The following DGKH variants were observed in gnomAD, a reference collection of about 807,000 sequenced individuals.
DGKH encodes the protein diacylglycerol kinase eta, also known as DAG kinase eta.
Under a neutral mutation model 159.3 loss-of-function variants are expected in DGKH, and 90 were observed. The observed-to-expected ratio is 0.57, with a 90% CI of 0.48 to 0.67. DGKH has a LOEUF of 0.67. Ranked by LOEUF, DGKH falls within the 30% of genes least tolerant of loss-of-function variation. The pLI, the probability that DGKH is intolerant of heterozygous loss-of-function variation, is 0.00. For missense variants in DGKH, 1,181 were observed against 1,506.1 expected (o/e 0.78, Z 3.57); for synonymous variants, 536 against 553.8 (o/e 0.97, Z 0.45).
At chr13:42,255,005 T>C (rs574152519) in intron 30 of DGKH, among the ~76,000 whole-genome samples, 105 of 152,246 alleles carry the variant, frequency 6.9e-4, no homozygotes, top group African/African-American at 2.5e-3. Flanking sequence ...ATTGACTAAT[T>C]GTTGAAAATA....
intron 2 of DGKH, among the ~76,000 whole-genome samples, chr13:42,128,937 G>A (rs1054460862): frequency 1.3e-5 from 2 of 152,166 alleles, no homozygotes; most frequent in African/African-American, 4.8e-5. Flanking sequence ...CTGGAACAAC[G>A]CTGAATGAGT....
At chr13:42,078,283 A>G (rs369106274) in intron 1 of DGKH, among the ~76,000 whole-genome samples, 13 of 152,228 alleles carry the variant, frequency 8.5e-5, no homozygotes, top group African/African-American at 3.1e-4. Flanking sequence ...AGAGGCTGCC[A>G]CTGGACTGTA....
chr13:42,153,538 A>T (rs1955969864), intron 3 of DGKH, among the ~76,000 whole-genome samples: 1 of 152,242 alleles, frequency 6.6e-6, no homozygotes, highest in Non-Finnish European at 1.5e-5. Context: ...GCTAGAGACA[A>T]TATTTATTCA....
At chr13:42,106,886 CA>C (rs11284234) in intron 1 of DGKH, among the ~76,000 whole-genome samples, 122,690 of 151,928 alleles carry the variant, frequency 0.81, 50,063 homozygotes, top group African/African-American at 0.89. Flanking sequence ...ACTAAAAATA[CA>C]AAAAAAAGTA....
chr13:42,226,577 C>T (rs188648991), intron 29 of DGKH, among the ~76,000 whole-genome samples: 6 of 151,980 alleles, frequency 3.9e-5, no homozygotes, highest in South Asian at 2.1e-4. Context: ...CTGGATAGGC[C>T]GGGTGTGGTG....
chr13:42,055,025 A>G (rs975705396), intron 1 of DGKH, among the ~76,000 whole-genome samples: 5 of 152,216 alleles, frequency 3.3e-5, no homozygotes, highest in African/African-American at 1.2e-4. Flanking sequence ...TCATGTGCTA[A>G]GAAATATTAT....
chr13:42,207,847 G>GA (rs1012791136), intron 21 of DGKH, among the ~76,000 whole-genome samples: 2 of 151,812 alleles, frequency 1.3e-5, no homozygotes, highest in Non-Finnish European at 2.9e-5. Flanking sequence ...GACAGATAGG[G>GA]ATACAGTATA....
intron 16 of DGKH, among the ~76,000 whole-genome samples, chr13:42,192,975 A>G (rs1299637989): frequency 6.6e-6 from 1 of 152,194 alleles, no homozygotes; most frequent in Non-Finnish European, 1.5e-5. Flanking sequence ...TTCTCTTTTA[A>G]AAACCTAATT....
chr13:42,251,353 G>C (rs1224973795), intron 29 of DGKH, among the ~76,000 whole-genome samples: 1 of 152,138 alleles, frequency 6.6e-6, no homozygotes, highest in Non-Finnish European at 1.5e-5. Context: ...ACATGTGCCT[G>C]TAGTCCCAGC....
intron 1 of DGKH, chr13:42,068,946 C>G: frequency 2.1e-6 from 3 of 1,429,762 alleles, no homozygotes; most frequent in Non-Finnish European, 2.9e-6. Context: ...TTCAGATGTT[C>G]AGAATGCCGC....
chr13:42,226,697 T>C (rs1406918015), intron 29 of DGKH, among the ~76,000 whole-genome samples: 1 of 151,184 alleles, frequency 6.6e-6, no homozygotes, highest in Non-Finnish European at 1.5e-5. Context: ...CTACTAAAAA[T>C]AGAAAAAAAA....
rs753953792 is a variant in DGKH at position 42,166,537 on chromosome 13, G to A, written c.981G>A (p.Ser327=). ...CAGGTTTCTGTAGAGCAACATTTTCGTTCTGTGTTAGTCCTCTATTGGTTT... is the reference window on the plus strand; with the variant it reads ...CAGGTTTCTGTAGAGCAACATTTTCATTCTGTGTTAGTCCTCTATTGGTTT... ...DSDGFCRATF[S]FCVSPLLVFV... is the part of the protein sequence containing the mutation. Residue 327 remains serine (S), a synonymous_variant, in exon 9 of 30, where the codon TCG becomes TCA. Transcript: ENST00000337343. 31 of 1,554,916 alleles carry A rather than the reference G, an allele frequency of 2.0e-5. No individual in the cohort carries two copies. Among genetic ancestry groups the A allele is most frequent in the Middle Eastern group, 1.7e-4 (1 of 5,922 alleles).
chr13:42,148,852 C>T (rs959169303), intron 3 of DGKH, among the ~76,000 whole-genome samples: 3 of 152,008 alleles, frequency 2.0e-5, no homozygotes, highest in African/African-American at 4.8e-5. Flanking sequence ...AGTATCCATG[C>T]CTTCTCCTTC....
chr13:42,108,505 C>T (rs1954803580), intron 1 of DGKH, among the ~76,000 whole-genome samples: 1 of 152,112 alleles, frequency 6.6e-6, no homozygotes, highest in Admixed American at 6.6e-5. Flanking sequence ...TAGTTAGCTG[C>T]TGGCAATTTT....
intron 1 of DGKH, among the ~76,000 whole-genome samples, chr13:42,056,431 G>T (rs982782056): frequency 1.3e-5 from 2 of 152,062 alleles, no homozygotes; most frequent in African/African-American, 4.8e-5. Context: ...TAGCATAATA[G>T]ATCTTTTTAA....
In DGKH at chr13:42,229,178, C is replaced by T. The variant is rs552720125; in HGVS notation, c.3653C>T (p.Ser1218Leu). 32 of 1,609,106 alleles carry T rather than the reference C, an allele frequency of 2.0e-5. No individual in the cohort carries two copies. In the South Asian group the frequency reaches 2.5e-4, roughly 12 times the overall value. Residue 1218 changes from serine to leucine, a missense_variant, in exon 30 of 30, where the codon TCG becomes TTG. Physicochemically the swap from Ser to Leu is moderately radical, Grantham distance 145. Around this residue, in one of 5 missense-constraint regions of DGKH, gnomAD observed 84 missense variants for 77.9 expected, o/e 1.08. Transcript: ENST00000337343. Reference sequence around the variant, plus strand: ...GAGCTTGGAAGGAGCACTCCACAGTCGGAGGTGTAATCATATTGGTGCTAT... The same window carrying T: ...GAGCTTGGAAGGAGCACTCCACAGTTGGAGGTGTAATCATATTGGTGCTAT... ...IKELGRSTPQSEV is the reference protein window; with the variant it reads ...IKELGRSTPQLEV
chr13:42,133,029 G>A (rs1955321955), intron 3 of DGKH, among the ~76,000 whole-genome samples: 1 of 152,016 alleles, frequency 6.6e-6, no homozygotes, highest in African/African-American at 2.4e-5. Context: ...AAATTAGTCA[G>A]GCATGGTGCC....
intron 1 of DGKH, among the ~76,000 whole-genome samples, chr13:42,084,922 TAA>T (rs5803111): frequency 6.8e-6 from 1 of 146,320 alleles, no homozygotes. Flanking sequence ...TTGTTCTTAG[TAA>T]AAAAAAAAAA....
Position 42,221,310 on chromosome 13 carries a change from C to T in DGKH, c.3489C>T (p.Leu1163=). Residue 1163 remains leucine, a synonymous_variant, in exon 29 of 30, where the codon CTC becomes CTT. Coordinates refer to ENST00000337343, the MANE Select transcript of DGKH (RefSeq NM_178009.5). ...TEEVAAWLDL[L]NLGEYKDIFI... is the part of the protein sequence containing the mutation. ...AAGTTGCTGCTTGGCTGGATCTGCT[C>T]AATTTGGGAGAGTACAAAGATATCT... The T allele has an allele frequency of 6.2e-7, 1 of 1,613,674 alleles. No homozygotes were observed. The highest frequency in any genetic ancestry group is 8.5e-7 in the Non-Finnish European group (1 of 1,179,698).
Sources: gnomAD v4.1 joint callset for allele counts (sites outside exome capture counted in the v4.1 genomes callset) on GRCh38, gnomAD v4.1.1 for gene constraint, gnomAD v4.1.1 regional missense constraint, MANE v1.5 for transcripts, NCBI Gene and HGNC (gene_info 2026-07-23, HGNC 2026-07-21) for gene names.